The following COIL variants were observed in gnomAD, a reference collection of about 807,000 sequenced individuals.
COIL encodes coilin, also known as coilin p80.
Under a neutral mutation model 51.6 loss-of-function variants are expected in COIL, and 28 were observed. That is an observed-to-expected ratio of 0.54 (90% CI 0.40 to 0.74). The LOEUF (loss-of-function observed/expected upper bound fraction) is 0.74, where lower values mean the gene tolerates loss of function less well. Among genes scored for constraint, COIL ranks in the 30% least tolerant of loss-of-function variants. The probability of loss-of-function intolerance (pLI) is 0.00; values close to 1 mark genes in which losing one functional copy is unlikely to be tolerated. For missense variants in COIL, 667 were observed against 685.9 expected (o/e 0.97, Z 0.31); for synonymous variants, 233 against 255.8 (o/e 0.91, Z 0.85).
At chr17:56,939,710 A>G (rs1438417262) in intron 6 of COIL, among the ~76,000 whole-genome samples, 2 of 152,224 alleles carry the variant, frequency 1.3e-5, no homozygotes, top group Non-Finnish European at 2.9e-5. Context: ...ACTGCACTCC[A>G]GCCTGGGTGA....
chr17:56,951,118 C>A, intron 1 of COIL, 122 bp from the exon 2 acceptor site: 1 of 979,846 alleles, frequency 1.0e-6, no homozygotes, highest in Non-Finnish European at 1.4e-6. Context: ...AAAAATGTCA[C>A]ATCACTTAAA....
At chr17:56,959,642 G>A (rs1401535089) in intron 1 of COIL, among the ~76,000 whole-genome samples, 1 of 152,200 alleles carries the variant, frequency 6.6e-6, no homozygotes, top group Non-Finnish European at 1.5e-5. Flanking sequence ...GGGACACTGG[G>A]CACATGAGAA....
At chr17:56,951,240 G>A (rs1002401323) in intron 1 of COIL, among the ~76,000 whole-genome samples, 1 of 152,116 alleles carries the variant, frequency 6.6e-6, no homozygotes, top group Non-Finnish European at 1.5e-5. Flanking sequence ...TTTTTAATAC[G>A]TTTTTCTCTA....
intron 5 of COIL, among the ~76,000 whole-genome samples, chr17:56,945,577 T>G (rs1910232577): frequency 6.6e-6 from 1 of 152,248 alleles, no homozygotes; most frequent in South Asian, 2.1e-4. Context: ...TTGTTTTGAC[T>G]TAATATACAA....
Position 56,946,436 on chromosome 17 carries a change from A to G in COIL, c.1558+6T>C, listed in dbSNP as rs774528748. 166 of 1,584,084 alleles carry G rather than the reference A, an allele frequency of 1.0e-4. 1 individual carries two copies. The highest frequency in any genetic ancestry group is 4.9e-4 in the Admixed American group (29 of 59,344). On this transcript the variant is annotated splice_donor_region_variant and intron_variant, in intron 5 of 6. Coordinates refer to ENST00000240316, the MANE Select transcript of COIL (RefSeq NM_004645.3). ...ACATTTTCAAATTATTTTCTAAAAG[A>G]CTCACCAGGTAAGGATGAAAGAATT...
intron 6 of COIL, among the ~76,000 whole-genome samples, chr17:56,941,478 G>A (rs1038350960): frequency 6.6e-6 from 1 of 152,246 alleles, no homozygotes; most frequent in East Asian, 1.9e-4. Context: ...GCTGAGGCAT[G>A]AGAATCGCTC....
intron 6 of COIL, among the ~76,000 whole-genome samples, chr17:56,941,819 C>T (rs1469234971): frequency 6.6e-6 from 1 of 152,190 alleles, no homozygotes; most frequent in Non-Finnish European, 1.5e-5. Context: ...TTTTAAACAA[C>T]TGTACACTCT....
rs1910331693 is a variant in COIL at position 56,950,189 on chromosome 17, A to T, written c.1053T>A (p.Gly351=). The change falls in exon 2 of 7, where the codon GGT becomes GGA. Residue 351 remains glycine, a synonymous_variant. Coordinates refer to ENST00000240316, the MANE Select transcript of COIL (RefSeq NM_004645.3). ...GTGATGACAGCCCTGGGCCTGGACG[A>T]CCTCTTCCTGCAAAAAGGCCTACTG... The part of the protein sequence containing the change: ...LKTVGLFAGR[G]RPGPGLSSQT... 2 of 1,613,882 alleles carry T rather than the reference A, an allele frequency of 1.2e-6. No homozygotes were observed. The highest frequency in any genetic ancestry group is 2.2e-5 in the East Asian group (1 of 44,866).
chr17:56,953,185 G>C (rs1910407331), intron 1 of COIL, among the ~76,000 whole-genome samples: 1 of 152,058 alleles, frequency 6.6e-6, no homozygotes, highest in Middle Eastern at 3.4e-3. Flanking sequence ...GTCAAGGTGG[G>C]TGGATCACAA....
intron 5 of COIL, 146 bp from the exon 6 acceptor site, chr17:56,942,269 A>C (rs1910164200): frequency 2.9e-6 from 2 of 680,944 alleles, no homozygotes; most frequent in Non-Finnish European, 5.1e-6. Context: ...AGGAAAGCAC[A>C]GGGTGCTCAA....
intron 1 of COIL, among the ~76,000 whole-genome samples, chr17:56,960,189 A>G (rs1456768818): frequency 6.7e-6 from 1 of 150,272 alleles, no homozygotes; most frequent in African/African-American, 2.5e-5. Context: ...GCGCCACTGC[A>G]CTCCAGCCTG....
Position 56,949,582 on chromosome 17 carries a change from G to C in COIL, c.1440+99C>G, listed in dbSNP as rs936992593. 1.1e-5 allele frequency: 15 copies of C among 1,394,252 alleles called. No homozygotes were observed. The African/African-American group carries it at 2.1e-4, about 20-fold the overall frequency. 86.4% of individuals were successfully genotyped at this position (1,394,252 alleles called of 1,614,324 possible). A position where few individuals can be genotyped will look rare whatever the true frequency, so the allele number is the denominator to read the frequency against. Reference sequence around the variant, plus strand: ...CCGTAACAACACTGGGGTTCCAGTGGGAAGGGCTTTTACAAACACATTTAA... The same window carrying C: ...CCGTAACAACACTGGGGTTCCAGTGCGAAGGGCTTTTACAAACACATTTAA... On this transcript the variant is annotated intron_variant, in intron 3 of 6. Coordinates refer to ENST00000240316, the MANE Select transcript of COIL (RefSeq NM_004645.3).
At chr17:56,949,250 T>C in intron 4 of COIL, 137 bp downstream of exon 4, 1 of 653,368 alleles carries the variant, frequency 1.5e-6, no homozygotes, top group South Asian at 2.5e-5. Context: ...GACATTTCGA[T>C]TAATGTTTTC....
In COIL at chr17:56,938,993, T is replaced by TA. The variant is rs3056865; in HGVS notation, c.*77dup. On this transcript the variant is annotated 3_prime_UTR_variant, in exon 7 of 7. Coordinates refer to ENST00000240316, the MANE Select transcript of COIL (RefSeq NM_004645.3). The stretch of plus-strand genomic sequence containing the variant: ...ATCCATACAACTTCCAAATCCTCTT[T>TA]AAAAAAAAAAAAAAGTTTGGGTTAT... 0.1 allele frequency: 60,288 copies of TA among 597,658 alleles called. 2 individuals carry two copies. Among genetic ancestry groups the TA allele is most frequent in the East Asian group, 0.12 (3,352 of 27,696 alleles). The allele number at this position is 597,658 out of a possible 1,614,324, so 37.0% of individuals were successfully genotyped here. A position where few individuals can be genotyped will look rare whatever the true frequency, so the allele number is the denominator to read the frequency against.
chr17:56,956,774 CT>C (rs1206260972), intron 1 of COIL, among the ~76,000 whole-genome samples: 1 of 152,002 alleles, frequency 6.6e-6, no homozygotes, highest in East Asian at 1.9e-4. Context: ...TTGTATTTTT[CT>C]GTAGACATGG....
intron 5 of COIL, among the ~76,000 whole-genome samples, chr17:56,942,780 C>T (rs1055366755): frequency 2.0e-5 from 3 of 152,004 alleles, no homozygotes; most frequent in Admixed American, 1.3e-4. Flanking sequence ...CCTCCCAAAG[C>T]GCTGGGATTA....
At chr17:56,947,103 T>C (rs1019494403) in intron 4 of COIL, among the ~76,000 whole-genome samples, 2 of 152,126 alleles carry the variant, frequency 1.3e-5, no homozygotes, top group African/African-American at 2.4e-5. Flanking sequence ...ACGTGGGCGA[T>C]GGGGAGACAC....
intron 1 of COIL, among the ~76,000 whole-genome samples, chr17:56,953,535 T>G (rs1409834241): frequency 2.0e-5 from 3 of 152,074 alleles, no homozygotes; most frequent in Non-Finnish European, 4.4e-5. Flanking sequence ...GAGCTGTAAT[T>G]GCGCCACTGC....
At position 56,946,477 on chromosome 17, in the gene COIL, T is replaced by C. The variant is rs1202661369; in HGVS notation, c.1523A>G (p.Gln508Arg). The C allele has an allele frequency of 6.2e-7, 1 of 1,611,410 alleles. No homozygotes were observed. The highest frequency in any genetic ancestry group is 1.1e-5 in the South Asian group (1 of 90,688). Reference protein sequence around the residue: ...GRILSHNPETQQVDIEILSSL... With the variant: ...GRILSHNPETRQVDIEILSSL... ...TGAAAGAATTTCTATATCTACTTGCTGGGTCTCTGGATTGTGGCTTAATAT... is the reference window on the plus strand; with the variant it reads ...TGAAAGAATTTCTATATCTACTTGCCGGGTCTCTGGATTGTGGCTTAATAT... Residue 508 changes from glutamine (Q) to arginine (R), a missense_variant, in exon 5 of 7, where the codon CAG becomes CGG. Coordinates refer to ENST00000240316, the MANE Select transcript of COIL (RefSeq NM_004645.3).
Sources: gnomAD v4.1 joint callset for allele counts (sites outside exome capture counted in the v4.1 genomes callset) on GRCh38, gnomAD v4.1.1 for gene constraint, MANE v1.5 for transcripts, NCBI Gene and HGNC (gene_info 2026-07-23, HGNC 2026-07-21) for gene names.